FBXO34: variants seen among roughly 807,000 people sequenced by gnomAD.
FBXO34 encodes the protein F-box only protein 34.
In FBXO34, 12 loss-of-function variants were observed where a neutral mutation model predicts 24.5. The observed-to-expected ratio is 0.49, with a 90% confidence interval of 0.31 to 0.79. The LOEUF is 0.79. Ranked by LOEUF, FBXO34 falls within the 30% of genes least tolerant of loss-of-function variation. The pLI is 0.04. For missense variants in FBXO34, 823 were observed against 857.7 expected (o/e 0.96, Z 0.51); for synonymous variants, 320 against 311.9 (o/e 1.03, Z -0.27).
chr14:55,369,554 T>G, downstream of FBXO34: 1 of 1,354,584 alleles, frequency 7.4e-7, no homozygotes, highest in Non-Finnish European at 9.9e-7. Context: ...CAGAAAATGT[T>G]TACTAGAGTG....
At chr14:55,296,391 G>GTTTTTTTTTTTTTTTTT (rs1167344634) in intron 1 of FBXO34, among the ~76,000 whole-genome samples, 89 of 64,728 alleles carry the variant, frequency 1.4e-3, no homozygotes, top group Non-Finnish European at 1.9e-3. Context: ...TGTTTTTTTT[G>GTTTTTTTTTTTTTTTTT]TTTTTTTTTT....
At chr14:55,303,524 G>A (rs1028720737) in intron 1 of FBXO34, among the ~76,000 whole-genome samples, 2 of 151,742 alleles carry the variant, frequency 1.3e-5, no homozygotes, top group Non-Finnish European at 2.9e-5. Flanking sequence ...AATTTACTAA[G>A]TAGACCAACT....
intron 1 of FBXO34, among the ~76,000 whole-genome samples, chr14:55,298,351 T>C (rs1484819349): frequency 6.6e-6 from 1 of 151,484 alleles, no homozygotes; most frequent in Non-Finnish European, 1.5e-5. Context: ...TCTCCCATAC[T>C]TGACCCTTAT....
At position 55,273,772 on chromosome 14, in the gene FBXO34, G is replaced by A. The variant is rs555962283; in HGVS notation, c.-11+2235G>A. Among the ~76,000 whole-genome samples, 10 of 152,222 alleles carry A rather than the reference G, an allele frequency of 6.6e-5. No individual in the cohort carries two copies. In the East Asian group the frequency reaches 1.7e-3, roughly 26 times the overall value. ...CCGAGCGGTAGCGATTCTGGGGCCG[G>A]CTACACGGCTGTATGTAAGTTAGGT... On this transcript the variant is annotated intron_variant, in intron 1 of 1. Transcript: ENST00000313833.
At chr14:55,323,226 T>TCTA (rs1491370677) in intron 1 of FBXO34, among the ~76,000 whole-genome samples, 1 of 20,532 alleles carries the variant, frequency 4.9e-5, no homozygotes, top group Non-Finnish European at 6.5e-5. Flanking sequence ...AAAATATATA[T>TCTA]TTTTTTTTTT....
the FBXO34 span, chr14:55,436,070 A>C: frequency 1.9e-6 from 1 of 525,436 alleles, no homozygotes; most frequent in African/African-American, 2.0e-5. Flanking sequence ...TGTGAAATAC[A>C]TGACATGATT....
chr14:55,292,339 G>C (rs891322367), intron 1 of FBXO34, among the ~76,000 whole-genome samples: 1 of 152,022 alleles, frequency 6.6e-6, no homozygotes, highest in Non-Finnish European at 1.5e-5. Context: ...CCACTGGGTA[G>C]TATTATAAGC....
intron 1 of FBXO34, among the ~76,000 whole-genome samples, chr14:55,338,266 G>T (rs1468801575): frequency 6.6e-6 from 1 of 151,488 alleles, no homozygotes; most frequent in South Asian, 2.1e-4. Context: ...AGCCAGGATG[G>T]TCTCGATCTC....
chr14:55,374,658 T>C (rs1884885851), downstream of FBXO34, among the ~76,000 whole-genome samples: 1 of 152,240 alleles, frequency 6.6e-6, no homozygotes. Context: ...TAGCTGTATT[T>C]TTTTAAATAA....
chr14:55,368,125 T>G (rs1326816188), downstream of FBXO34: 1 of 152,620 alleles, frequency 6.6e-6, no homozygotes, highest in Non-Finnish European at 1.5e-5. Context: ...TACTTACATA[T>G]TTGTACATAA....
At chr14:55,434,177 A>T in the FBXO34 span, among the ~76,000 whole-genome samples, 1 of 152,230 alleles carries the variant, frequency 6.6e-6, no homozygotes, top group African/African-American at 2.4e-5. Context: ...GCTCACCAAG[A>T]CTTCAGAATG....
chr14:55,319,842 A>C (rs562276368), intron 1 of FBXO34, among the ~76,000 whole-genome samples: 1 of 152,074 alleles, frequency 6.6e-6, no homozygotes, highest in African/African-American at 2.4e-5. Context: ...CGCCCAGCTA[A>C]TTTTTTGTAT....
At chr14:55,378,868 G>A in the FBXO34 span, among the ~76,000 whole-genome samples, 1 of 151,966 alleles carries the variant, frequency 6.6e-6, no homozygotes. Context: ...ACCACATCCA[G>A]CTAATTTTTT....
the FBXO34 span, among the ~76,000 whole-genome samples, chr14:55,401,879 T>A: frequency 6.6e-6 from 1 of 152,164 alleles, no homozygotes; most frequent in Non-Finnish European, 1.5e-5. Flanking sequence ...AGGAAGGGTA[T>A]GGAGGCAGAG....
chr14:55,332,758 T>G (rs1422803068), intron 1 of FBXO34, among the ~76,000 whole-genome samples: 1 of 152,214 alleles, frequency 6.6e-6, no homozygotes, highest in African/African-American at 2.4e-5. Flanking sequence ...TGGCTACTTC[T>G]GTAGCTACGG....
chr14:55,309,154 T>C (rs1882650691), intron 1 of FBXO34, among the ~76,000 whole-genome samples: 1 of 152,236 alleles, frequency 6.6e-6, no homozygotes, highest in Non-Finnish European at 1.5e-5. Flanking sequence ...GTATACACTT[T>C]TTGCTTCAAA....
the FBXO34 span, among the ~76,000 whole-genome samples, chr14:55,380,208 A>G: frequency 6.6e-6 from 1 of 152,294 alleles, no homozygotes; most frequent in East Asian, 1.9e-4. Flanking sequence ...AGATTGCGCC[A>G]CTGCACTCTG....
intron 1 of FBXO34, among the ~76,000 whole-genome samples, chr14:55,289,461 G>A (rs1236809467): frequency 6.6e-6 from 1 of 152,040 alleles, no homozygotes; most frequent in African/African-American, 2.4e-5. Flanking sequence ...ACCCCTCTCT[G>A]GAAGCAAACA....
At chr14:55,277,638 G>A (rs1254278665) in intron 1 of FBXO34, among the ~76,000 whole-genome samples, 1 of 152,148 alleles carries the variant, frequency 6.6e-6, no homozygotes, top group Non-Finnish European at 1.5e-5. Flanking sequence ...ATGTACCACG[G>A]GCTTAGTCTG....
Sources: allele counts gnomAD v4.1 joint callset (sites outside exome capture counted in the v4.1 genomes callset), GRCh38; gene constraint gnomAD v4.1.1; transcripts MANE v1.5; gene names NCBI Gene and HGNC (gene_info 2026-07-23, HGNC 2026-07-21).